NEO1: variants seen among roughly 807,000 people sequenced by gnomAD.
NEO1 encodes neogenin 1, also known as neogenin.
In NEO1, 63 loss-of-function variants were observed where a neutral mutation model predicts 159.7. The observed-to-expected ratio is 0.39, with a 90% CI of 0.32 to 0.49. NEO1 has a LOEUF of 0.49. Ranked by LOEUF, NEO1 falls within the 20% of genes least tolerant of loss-of-function variation. The probability of loss-of-function intolerance (pLI) is 0.85; values close to 1 mark genes in which losing one functional copy is unlikely to be tolerated. For synonymous variants in NEO1, 633 were observed against 662.0 expected (o/e 0.96, Z 0.67); for missense variants, 1,615 against 1,831.0 (o/e 0.88, Z 2.15).
chr15:73,256,051 A>G (rs1720419009), intron 13 of NEO1: 1 of 152,194 alleles, frequency 6.6e-6, no homozygotes, highest in African/African-American at 2.4e-5. Context: ...TAAGCCCAAG[A>G]ATTAATTTCA....
chr15:73,178,168 A>G, intron 6 of NEO1, 139 bp from the exon 7 acceptor site: 1 of 765,620 alleles, frequency 1.3e-6, no homozygotes, highest in Non-Finnish European at 2.0e-6. Flanking sequence ...TTGAGTTAAC[A>G]AGTACTTGGA....
intron 2 of NEO1, among the ~76,000 whole-genome samples, 173 bp downstream of exon 2, chr15:73,117,030 CAGTG>C (rs2071365990): frequency 1.3e-5 from 2 of 152,172 alleles, no homozygotes; most frequent in African/African-American, 4.8e-5. Flanking sequence ...AGGGCTTGCT[CAGTG>C]CCGTAGAGAA....
intron 28 of NEO1, 94 bp downstream of exon 28, chr15:73,301,551 G>T: frequency 6.5e-7 from 1 of 1,530,100 alleles, no homozygotes. Context: ...GTGCATACCA[G>T]GCCCGCCACC....
intron 7 of NEO1, among the ~76,000 whole-genome samples, chr15:73,193,491 G>T (rs188494734): frequency 6.6e-6 from 1 of 150,932 alleles, no homozygotes; most frequent in South Asian, 2.1e-4. Context: ...TCTTTTTTCC[G>T]CTTATGTTCT....
At chr15:73,284,726 C>T (rs1286004048) in intron 23 of NEO1, among the ~76,000 whole-genome samples, 3 of 151,926 alleles carry the variant, frequency 2.0e-5, no homozygotes, top group South Asian at 2.1e-4. Flanking sequence ...GCTGGGATTA[C>T]AGGCACCCAC....
At chr15:73,105,293 T>G (rs2070628817) in intron 1 of NEO1, among the ~76,000 whole-genome samples, 1 of 152,206 alleles carries the variant, frequency 6.6e-6, no homozygotes, top group South Asian at 2.1e-4. Flanking sequence ...GAATGATTAC[T>G]TTTCTGGGCA....
chr15:73,199,846 G>A (rs752532225), intron 7 of NEO1, among the ~76,000 whole-genome samples: 7 of 152,074 alleles, frequency 4.6e-5, no homozygotes, highest in African/African-American at 7.2e-5. Flanking sequence ...CCCTATATTG[G>A]GGAGGAACAC....
chr15:73,297,213 T>C (rs569316825), intron 26 of NEO1, among the ~76,000 whole-genome samples: 1 of 152,288 alleles, frequency 6.6e-6, no homozygotes, highest in African/African-American at 2.4e-5. Context: ...AGGTGTGTGG[T>C]GGTCCAGAGC....
intron 11 of NEO1, among the ~76,000 whole-genome samples, chr15:73,252,947 G>A (rs918931224): frequency 1.6e-4 from 24 of 152,128 alleles, no homozygotes; most frequent in African/African-American, 5.1e-4. Context: ...CCGACATCAC[G>A]CCATTGTGCT....
intron 5 of NEO1, among the ~76,000 whole-genome samples, chr15:73,163,929 T>A (rs1438644353): frequency 6.6e-6 from 1 of 152,148 alleles, no homozygotes; most frequent in African/African-American, 2.4e-5. Flanking sequence ...TAGACAGTCA[T>A]TGTCATGATG....
chr15:73,054,058 CAAATT>C (rs2067588143), intron 1 of NEO1, among the ~76,000 whole-genome samples: 2 of 152,290 alleles, frequency 1.3e-5, no homozygotes, highest in African/African-American at 4.8e-5. Flanking sequence ...GTTTTAATGT[CAAATT>C]AAACATCACT....
intron 1 of NEO1, among the ~76,000 whole-genome samples, chr15:73,072,756 C>A (rs571954998): frequency 1.3e-5 from 2 of 151,990 alleles, no homozygotes; most frequent in African/African-American, 4.8e-5. Flanking sequence ...ATACTTAGGC[C>A]CGTTGTAGTA....
At chr15:73,232,211 G>A (rs1302972813) in intron 7 of NEO1, among the ~76,000 whole-genome samples, 1 of 152,062 alleles carries the variant, frequency 6.6e-6, no homozygotes, top group Non-Finnish European at 1.5e-5. Flanking sequence ...TTCTTGTTTT[G>A]TTTGTTTAAT....
Position 73,258,836 on chromosome 15 carries a change from T to G in NEO1, c.2163T>G (p.Thr721=). The G allele has an allele frequency of 4.3e-6, 7 of 1,613,934 alleles. No individual in the cohort carries two copies. Among genetic ancestry groups the G allele is most frequent in the Non-Finnish European group, 5.9e-6 (7 of 1,179,876 alleles). ...ALTINGTGPA[T]DWLSAETFES... ...CAATCAATGGTACAGGCCCGGCAACTGACTGGCTGTCTGCTGAAACTTTTG... is the reference window on the plus strand; with the variant it reads ...CAATCAATGGTACAGGCCCGGCAACGGACTGGCTGTCTGCTGAAACTTTTG... Residue 721 remains threonine (T), a synonymous_variant, in exon 14 of 29, where the codon ACT becomes ACG. Coordinates refer to ENST00000261908, the MANE Select transcript of NEO1 (RefSeq NM_002499.4).
intron 5 of NEO1, among the ~76,000 whole-genome samples, chr15:73,157,880 T>G (rs2033893669): frequency 6.6e-6 from 1 of 152,130 alleles, no homozygotes; most frequent in South Asian, 2.1e-4. Context: ...CCCTTGTTGA[T>G]ATTTTGTTGG....
chr15:73,171,065 A>G (rs1386419929), intron 5 of NEO1, among the ~76,000 whole-genome samples: 1 of 152,180 alleles, frequency 6.6e-6, no homozygotes. Context: ...GCTTTCAGAA[A>G]GAACATGTTA....
chr15:73,087,902 T>C (rs940957954), intron 1 of NEO1, among the ~76,000 whole-genome samples: 2 of 152,078 alleles, frequency 1.3e-5, no homozygotes, highest in Non-Finnish European at 2.9e-5. Context: ...GGATATGCCA[T>C]AATTTTACAT....
At chr15:73,097,357 CTT>C (rs34372480) in intron 1 of NEO1, among the ~76,000 whole-genome samples, 4 of 102,952 alleles carry the variant, frequency 3.9e-5, no homozygotes, top group Non-Finnish European at 5.5e-5. Flanking sequence ...GTCAGAGCCT[CTT>C]TTTTTTTTTT....
chr15:73,220,825 G>A (rs542632050), intron 7 of NEO1, among the ~76,000 whole-genome samples: 7 of 152,114 alleles, frequency 4.6e-5, no homozygotes, highest in African/African-American at 7.2e-5. Flanking sequence ...TTATACATTC[G>A]TCTAAATTTT....
Sources: allele counts gnomAD v4.1 joint callset (sites outside exome capture counted in the v4.1 genomes callset), GRCh38; gene constraint gnomAD v4.1.1; transcripts MANE v1.5; gene names NCBI Gene and HGNC (gene_info 2026-07-23, HGNC 2026-07-21).